The following PPP3CC variants were observed in gnomAD, a reference collection of about 807,000 sequenced individuals.
PPP3CC encodes protein phosphatase 3 catalytic subunit gamma.
A neutral mutation model predicts 60.3 loss-of-function variants in PPP3CC; 35 were observed. The ratio of observed to expected loss-of-function variants is 0.58; its 90% CI spans 0.44 to 0.77. The LOEUF (loss-of-function observed/expected upper bound fraction) is 0.77, where lower values mean the gene tolerates loss of function less well. Ranked by LOEUF, PPP3CC falls within the 30% of genes least tolerant of loss-of-function variation. PPP3CC has a pLI of 0.00. For synonymous variants in PPP3CC, 206 were observed against 224.3 expected (o/e 0.92, Z 0.73); for missense variants, 570 against 628.9 (o/e 0.91, Z 1.00).
At chr8:22,458,843 T>C (rs1044039463) in intron 1 of PPP3CC, among the ~76,000 whole-genome samples, 16 of 152,222 alleles carry the variant, frequency 1.1e-4, no homozygotes, top group African/African-American at 3.4e-4. Flanking sequence ...GAGGAGTTGA[T>C]GATTTTATAC....
At chr8:22,497,012 T>C (rs971410545) in intron 3 of PPP3CC, among the ~76,000 whole-genome samples, 1 of 152,124 alleles carries the variant, frequency 6.6e-6, no homozygotes, top group East Asian at 1.9e-4. Context: ...GTTGATTTTT[T>C]CTGTATAAAA....
intron 1 of PPP3CC, among the ~76,000 whole-genome samples, chr8:22,449,152 A>G (rs1836928092): frequency 6.6e-6 from 1 of 152,110 alleles, no homozygotes; most frequent in African/African-American, 2.4e-5. Context: ...AAAAAGTACA[A>G]TGAAGAAATG....
At chr8:22,488,605 G>C (rs545888943) in intron 3 of PPP3CC, among the ~76,000 whole-genome samples, 3 of 152,356 alleles carry the variant, frequency 2.0e-5, no homozygotes, top group Non-Finnish European at 4.4e-5. Context: ...CTAACAGGGA[G>C]ATGCACAAGC....
chr8:22,484,087 C>A (rs1400770813), intron 3 of PPP3CC, among the ~76,000 whole-genome samples: 4 of 151,620 alleles, frequency 2.6e-5, no homozygotes, highest in Admixed American at 1.3e-4. Context: ...CCTCAGGATA[C>A]CCTCCAACCT....
intron 3 of PPP3CC, among the ~76,000 whole-genome samples, chr8:22,489,696 T>TTATATATTATATATAAGTATATATTATA (rs1563731577): frequency 2.9e-4 from 13 of 44,328 alleles, no homozygotes; most frequent in Admixed American, 6.5e-4. Flanking sequence ...TAAGTATATA[T>TTATATATTATATATAAGTATATATTATA]TATATATTAT....
chr8:22,475,827 C>G (rs1272028798), intron 3 of PPP3CC, among the ~76,000 whole-genome samples: 2 of 152,052 alleles, frequency 1.3e-5, no homozygotes, highest in South Asian at 2.1e-4. Flanking sequence ...GACAAATAGG[C>G]TATATATTAA....
intron 3 of PPP3CC, among the ~76,000 whole-genome samples, chr8:22,482,851 CAT>C (rs1184267863): frequency 3.9e-5 from 6 of 152,100 alleles, no homozygotes; most frequent in African/African-American, 1.4e-4. Flanking sequence ...TAGAGGAAAA[CAT>C]AGCTTTTTTA....
chr8:22,446,550 G>A (rs182030293), intron 1 of PPP3CC, among the ~76,000 whole-genome samples: 3 of 151,998 alleles, frequency 2.0e-5, no homozygotes, highest in Non-Finnish European at 4.4e-5. Flanking sequence ...TAGGCCAGGC[G>A]TGGTGGCTCA....
Position 22,513,300 on chromosome 8 carries a change from G to A in PPP3CC, c.638G>A (p.Arg213Lys). The A allele has an allele frequency of 6.2e-7, 1 of 1,610,842 alleles. No individual in the cohort carries two copies. The highest frequency in any genetic ancestry group is 8.5e-7 in the Non-Finnish European group (1 of 1,179,044). Residue 213 changes from arginine (R) to lysine (K), a missense_variant, in exon 6 of 14, where the codon AGG becomes AAG. Arg to Lys is a conservative substitution (Grantham distance 26, BLOSUM62 2). Coordinates refer to ENST00000240139, the MANE Select transcript of PPP3CC (RefSeq NM_005605.5). ...CTTTTGTGTGTCTTCTAGTTAGACAGGTTTACGGAACCTCCCGCCTTTGGA... is the reference window on the plus strand; with the variant it reads ...CTTTTGTGTGTCTTCTAGTTAGACAAGTTTACGGAACCTCCCGCCTTTGGA... ...TSLDDIRKLDRFTEPPAFGPV... is the reference protein window; with the variant it reads ...TSLDDIRKLDKFTEPPAFGPV...
intron 1 of PPP3CC, among the ~76,000 whole-genome samples, chr8:22,453,155 T>C (rs183092191): frequency 6.6e-6 from 1 of 152,320 alleles, no homozygotes; most frequent in East Asian, 1.9e-4. Flanking sequence ...CCTCAGAATT[T>C]AAAGATTACA....
chr8:22,483,135 C>T (rs1838117898), intron 3 of PPP3CC, among the ~76,000 whole-genome samples: 1 of 152,160 alleles, frequency 6.6e-6, no homozygotes, highest in Admixed American at 6.5e-5. Context: ...AAACCTCTTG[C>T]AGTTTTACTA....
chr8:22,442,791 C>T (rs760494445), intron 1 of PPP3CC, among the ~76,000 whole-genome samples: 11 of 152,148 alleles, frequency 7.2e-5, no homozygotes, highest in Non-Finnish European at 1.3e-4. Flanking sequence ...GAATCAAGGT[C>T]ATTATGTACA....
intron 3 of PPP3CC, chr8:22,492,855 G>A: frequency 9.7e-7 from 1 of 1,034,472 alleles, no homozygotes; most frequent in South Asian, 1.3e-5. Context: ...AGAGATGCCA[G>A]CAAACTCTTT....
intron 4 of PPP3CC, among the ~76,000 whole-genome samples, chr8:22,506,529 A>G (rs1838925629): frequency 6.6e-6 from 1 of 152,230 alleles, no homozygotes; most frequent in African/African-American, 2.4e-5. Flanking sequence ...AGAAACATAT[A>G]TGTCTGCATG....
At chr8:22,454,388 C>T (rs1837127525) in intron 1 of PPP3CC, among the ~76,000 whole-genome samples, 1 of 152,150 alleles carries the variant, frequency 6.6e-6, no homozygotes, top group Non-Finnish European at 1.5e-5. Context: ...ACAACAATGC[C>T]TTCTCATGGA....
At position 22,453,621 on chromosome 8, in the gene PPP3CC, C is replaced by A. The variant is rs146931728; in HGVS notation, c.49+12163C>A. ...TGCATATAAGTGAACCAGTGCAGTTCAAACCCATGTTGTTTGAGTTAACCA... is the reference window on the plus strand; with the variant it reads ...TGCATATAAGTGAACCAGTGCAGTTAAAACCCATGTTGTTTGAGTTAACCA... On this transcript the variant is annotated intron_variant, in intron 1 of 13. Coordinates refer to ENST00000240139, the MANE Select transcript of PPP3CC (RefSeq NM_005605.5). 4.5e-3 allele frequency among the ~76,000 whole-genome samples: 678 copies of A among 152,274 alleles called. 6 individuals are homozygous for A. Among genetic ancestry groups the A allele is most frequent in the African/African-American group, 0.016 (656 of 41,550 alleles).
At chr8:22,533,622 C>G (rs988631266) in intron 12 of PPP3CC, among the ~76,000 whole-genome samples, 1 of 151,466 alleles carries the variant, frequency 6.6e-6, no homozygotes, top group Non-Finnish European at 1.5e-5. Flanking sequence ...GTCAGGAGTT[C>G]GAGACCAGCC....
chr8:22,496,341 T>A (rs561957877), intron 3 of PPP3CC, among the ~76,000 whole-genome samples: 1 of 152,130 alleles, frequency 6.6e-6, no homozygotes, highest in East Asian at 1.9e-4. Flanking sequence ...GTGTCTCTTT[T>A]TAGTGTTTTC....
At chr8:22,466,040 A>G (rs1837511455) in intron 1 of PPP3CC, among the ~76,000 whole-genome samples, 1 of 151,348 alleles carries the variant, frequency 6.6e-6, no homozygotes, top group Non-Finnish European at 1.5e-5. Context: ...CCCTGTGTCC[A>G]TGTGATCTCA....
Sources: gnomAD v4.1 joint callset for allele counts (sites outside exome capture counted in the v4.1 genomes callset) on GRCh38, gnomAD v4.1.1 for gene constraint, MANE v1.5 for transcripts, NCBI Gene and HGNC (gene_info 2026-07-23, HGNC 2026-07-21) for gene names.